The following CERT1 variants were observed in gnomAD, a reference collection of about 807,000 sequenced individuals.
CERT1 encodes the protein ceramide transfer protein.
CERT1 carries 31 observed loss-of-function variants against 87.9 expected under a neutral mutation model. The observed-to-expected ratio is 0.35, with a 90% confidence interval of 0.27 to 0.48. The LOEUF (loss-of-function observed/expected upper bound fraction) is 0.48. Among genes scored for constraint, CERT1 ranks in the 20% least tolerant of loss-of-function variants. CERT1 has a pLI of 0.99. For missense variants in CERT1, 487 were observed against 758.0 expected (o/e 0.64, Z 4.20); for synonymous variants, 289 against 250.9 (o/e 1.15, Z -1.44).
At chr5:75,393,760 T>C (rs927106887) in intron 11 of CERT1, among the ~76,000 whole-genome samples, 2 of 151,196 alleles carry the variant, frequency 1.3e-5, no homozygotes, top group African/African-American at 4.9e-5. Context: ...GGTCAAGAGA[T>C]AGAGACCATC....
At chr5:75,374,197 G>T (rs191208728), downstream of CERT1, 1 of 355,790 alleles carries the variant, frequency 2.8e-6, no homozygotes. Context: ...AGTCACTGAA[G>T]GAAAAAAAAA....
rs559015631 is a variant in CERT1 at position 75,473,962 on chromosome 5, T to G, written c.232-14781A>C. On this transcript the variant is annotated intron_variant, in intron 2 of 16. Coordinates refer to ENST00000643780, the MANE Select transcript of CERT1 (RefSeq NM_001379029.1). ...GAAGGAAGAGAAAGACCCTCTCATA[T>G]TATTTTATACTCAGTACCTGTTCTA... Among the ~76,000 whole-genome samples the G allele has an allele frequency of 1.6e-4, 24 of 152,338 alleles. No individual in the cohort carries two copies. The East Asian group carries it at 3.9e-3, about 24-fold the overall frequency.
At chr5:75,386,566 AAATT>A (rs1358866324) in intron 12 of CERT1, among the ~76,000 whole-genome samples, 1 of 152,234 alleles carries the variant, frequency 6.6e-6, no homozygotes, top group Non-Finnish European at 1.5e-5. Context: ...ATGCTAAGTA[AAATT>A]AATTATTTTA....
downstream of CERT1, chr5:75,374,488 GTTGTGCCAAAAAGGGCCACAGC>G (rs1465389370): frequency 1.4e-6 from 1 of 722,846 alleles, no homozygotes; most frequent in Admixed American, 1.7e-5. Flanking sequence ...AGGAACAATG[GTTGTGCCAAAAAGGGCCACAGC>G]CACGTGCAGC....
At chr5:75,421,787 T>C (rs1763387645) in intron 5 of CERT1, among the ~76,000 whole-genome samples, 1 of 152,220 alleles carries the variant, frequency 6.6e-6, no homozygotes, top group Non-Finnish European at 1.5e-5. Flanking sequence ...TTTTGCATCA[T>C]ATCAATGAAA....
At chr5:75,402,714 C>T (rs1278205185) in intron 9 of CERT1, 3 of 245,778 alleles carry the variant, frequency 1.2e-5, no homozygotes, top group African/African-American at 2.3e-5. Flanking sequence ...GCAGAAGAAT[C>T]GCTTGAACCC....
intron 3 of CERT1, among the ~76,000 whole-genome samples, chr5:75,438,928 TTTTTC>T (rs911046353): frequency 2.0e-5 from 3 of 148,442 alleles, no homozygotes; most frequent in Non-Finnish European, 4.5e-5. Context: ...TATCTTTTTT[TTTTTC>T]TTTTAAGAGC....
At chr5:75,424,466 G>A (rs945093619) in intron 5 of CERT1, among the ~76,000 whole-genome samples, 2 of 152,012 alleles carry the variant, frequency 1.3e-5, no homozygotes, top group Admixed American at 6.5e-5. Flanking sequence ...CAGCTACTTG[G>A]GAGGCTGAGG....
chr5:75,396,090 A>G (rs943827871), intron 11 of CERT1, among the ~76,000 whole-genome samples: 1 of 152,136 alleles, frequency 6.6e-6, no homozygotes. Context: ...ATTTCAGCCA[A>G]TTCAAGGCTA....
chr5:75,405,906 C>A (rs1416555654), intron 8 of CERT1, among the ~76,000 whole-genome samples: 1 of 147,750 alleles, frequency 6.8e-6, no homozygotes, highest in African/African-American at 2.5e-5. Context: ...GTATCCCCCC[C>A]AACCACTGAT....
chr5:75,443,496 T>C (rs1228127099), intron 3 of CERT1, among the ~76,000 whole-genome samples: 1 of 152,238 alleles, frequency 6.6e-6, no homozygotes. Context: ...GTTTTACTTG[T>C]TACTAATTTC....
rs1236687884 is a variant in CERT1, at chr5:75,386,563, G to A, written c.1285-529C>T. Among the ~76,000 whole-genome samples, 7 of 152,252 alleles carry A rather than the reference G, an allele frequency of 4.6e-5. No individual in the cohort carries two copies. The East Asian group carries it at 1.4e-3, about 29-fold the overall frequency. ...TGAGGTTACATACCTTAAATGCTAA[G>A]TAAAATTAATTATTTTAAAATTATA... is the stretch of plus-strand genomic sequence containing the variant. On this transcript the variant is annotated intron_variant, in intron 12 of 16. Coordinates refer to ENST00000643780, the MANE Select transcript of CERT1 (RefSeq NM_001379029.1).
At chr5:75,395,142 G>A (rs1762194157) in intron 11 of CERT1, among the ~76,000 whole-genome samples, 1 of 152,158 alleles carries the variant, frequency 6.6e-6, no homozygotes, top group African/African-American at 2.4e-5. Context: ...CAAATTCACT[G>A]TACATCCTTT....
chr5:75,425,492 T>C lies in CERT1; in HGVS notation c.464A>G (p.His155Arg). 2 of 1,612,592 alleles carry C rather than the reference T, an allele frequency of 1.2e-6. No individual in the cohort carries two copies. The highest frequency in any genetic ancestry group is 4.5e-5 in the East Asian group (2 of 44,860). The change falls in exon 5 of 17, where the codon CAC (histidine) becomes CGC (arginine). Residue 155 changes from histidine (H) to arginine (R), a missense_variant. This residue lies in a region of CERT1 where 173 missense variants were observed against 302.2 expected (regional missense o/e 0.57). Transcript: ENST00000643780. ...ATSTSSFKKGHSLREKLAEME... is the reference protein window; with the variant it reads ...ATSTSSFKKGRSLREKLAEME... ...TTCAGCCAACTTCTCACGTAAACTG[T>C]GGCCTTTCTGCAAAACATAAAATAG... is the stretch of plus-strand genomic sequence containing the variant.
At chr5:75,426,250 T>G in intron 4 of CERT1, 121 bp downstream of exon 4, 1 of 561,556 alleles carries the variant, frequency 1.8e-6, no homozygotes. Context: ...CTCTAATAAC[T>G]TCAAATAAAT....
At chr5:75,388,664 G>C (rs1401901035) in intron 12 of CERT1, among the ~76,000 whole-genome samples, 1 of 135,138 alleles carries the variant, frequency 7.4e-6, no homozygotes, top group Non-Finnish European at 1.6e-5. Context: ...CTCACTTTGT[G>C]ACCCAGGCTA....
chr5:75,426,877 G>A (rs533206376), intron 3 of CERT1, among the ~76,000 whole-genome samples: 30 of 152,210 alleles, frequency 2.0e-4, no homozygotes, highest in Non-Finnish European at 3.1e-4. Context: ...TTGAACAATA[G>A]TGTGAATGTA....
At chr5:75,501,890 T>C (rs953075414) in intron 2 of CERT1, among the ~76,000 whole-genome samples, 1 of 152,126 alleles carries the variant, frequency 6.6e-6, no homozygotes, top group Non-Finnish European at 1.5e-5. Context: ...TATATCTACA[T>C]TCATATAGAG....
chr5:75,451,291 T>C (rs1213166946), intron 3 of CERT1, among the ~76,000 whole-genome samples: 1 of 152,186 alleles, frequency 6.6e-6, no homozygotes, highest in Non-Finnish European at 1.5e-5. Context: ...AGAGACAACA[T>C]GAAGTTTCTC....
Sources: allele counts gnomAD v4.1 joint callset (sites outside exome capture counted in the v4.1 genomes callset), GRCh38; gene constraint gnomAD v4.1.1; regional missense constraint gnomAD v4.1.1; transcripts MANE v1.5; gene names NCBI Gene and HGNC (gene_info 2026-07-23, HGNC 2026-07-21).